The following MALRD1 variants were observed in gnomAD, a reference collection of about 807,000 sequenced individuals.
MALRD1 encodes the protein MAM and LDL receptor class A domain containing 1, also known as MAM and LDL-receptor class A domain-containing protein 1.
MALRD1 carries 247 observed loss-of-function variants against 242.1 expected under a neutral mutation model. The observed-to-expected ratio is 1.02, with a 90% confidence interval of 0.92 to 1.13. MALRD1 has a LOEUF of 1.13. Among genes scored for constraint, MALRD1 ranks in the 50% most tolerant of loss-of-function variants. The pLI, the probability that MALRD1 is intolerant of heterozygous loss-of-function variation, is 0.00. For synonymous variants in MALRD1, 995 were observed against 866.6 expected, an observed-to-expected ratio of 1.15 and a Z score of -2.60; for missense variants, 2,989 against 2,533.1, an observed-to-expected ratio of 1.18 and a Z score of -3.86.
intron 36 of MALRD1, among the ~76,000 whole-genome samples, chr10:19,627,708 A>C (rs895844655): frequency 2.7e-5 from 4 of 149,724 alleles, no homozygotes; most frequent in African/African-American, 9.8e-5. Flanking sequence ...TTTCGCAGTG[A>C]GCCGATATTC....
intron 26 of MALRD1, among the ~76,000 whole-genome samples, chr10:19,353,990 G>A (rs1020449425): frequency 2.0e-5 from 3 of 151,652 alleles, no homozygotes; most frequent in African/African-American, 7.3e-5. Context: ...GCCTCCCAAA[G>A]TCCTAGGATT....
intron 36 of MALRD1, among the ~76,000 whole-genome samples, chr10:19,678,004 C>T (rs1216335971): frequency 6.6e-6 from 1 of 151,954 alleles, no homozygotes; most frequent in Admixed American, 6.6e-5. Flanking sequence ...CTTCTGAGTT[C>T]TAGATTCTGT....
At chr10:19,244,708 C>A (rs1296717897) in intron 18 of MALRD1, among the ~76,000 whole-genome samples, 1 of 152,140 alleles carries the variant, frequency 6.6e-6, no homozygotes, top group Non-Finnish European at 1.5e-5. Flanking sequence ...CAACGTGCAA[C>A]GTGCAACCTA....
intron 28 of MALRD1, among the ~76,000 whole-genome samples, chr10:19,409,357 G>C (rs1431126853): frequency 6.6e-6 from 1 of 152,132 alleles, no homozygotes; most frequent in Admixed American, 6.6e-5. Flanking sequence ...TGGGAAGCTG[G>C]AGCAGGAAGA....
intron 18 of MALRD1, among the ~76,000 whole-genome samples, chr10:19,220,815 A>T (rs1415248688): frequency 1.3e-5 from 2 of 152,178 alleles, no homozygotes; most frequent in Non-Finnish European, 2.9e-5. Flanking sequence ...GAGAAGTGTT[A>T]CAAAAACCCA....
chr10:19,730,819 T>C (rs1024452289), intron 39 of MALRD1, 38 bp downstream of exon 39: 54 of 1,489,660 alleles, frequency 3.6e-5, no homozygotes, highest in Non-Finnish European at 4.3e-5. Flanking sequence ...TTCACACATA[T>C]GCACACACAT....
intron 10 of MALRD1, among the ~76,000 whole-genome samples, chr10:19,142,631 G>T (rs182438981): frequency 1.2e-4 from 19 of 152,294 alleles, no homozygotes; most frequent in Middle Eastern, 3.4e-3. Context: ...AGATGGTGAA[G>T]CGTATTCTGT....
At chr10:19,449,814 C>T (rs929656737) in intron 28 of MALRD1, among the ~76,000 whole-genome samples, 7 of 152,242 alleles carry the variant, frequency 4.6e-5, no homozygotes, top group Admixed American at 3.3e-4. Flanking sequence ...AGCAAACCTG[C>T]ACACGTACCC....
chr10:19,336,904 T>C (rs1843638324), intron 24 of MALRD1, among the ~76,000 whole-genome samples: 1 of 152,102 alleles, frequency 6.6e-6, no homozygotes, highest in African/African-American at 2.4e-5. Flanking sequence ...ATTTAATTAA[T>C]ATATATTTAT....
chr10:19,254,208 A>G (rs1839412299), intron 18 of MALRD1, among the ~76,000 whole-genome samples: 1 of 152,100 alleles, frequency 6.6e-6, no homozygotes, highest in Admixed American at 6.6e-5. Flanking sequence ...AAAGGAGCTG[A>G]TAAATGATAC....
chr10:19,349,111 A>G (rs949363016), intron 25 of MALRD1, among the ~76,000 whole-genome samples: 2 of 152,038 alleles, frequency 1.3e-5, no homozygotes, highest in Non-Finnish European at 2.9e-5. Flanking sequence ...ACAGGCGTGC[A>G]CAACCATCCC....
chr10:19,557,658 A>G (rs191533207), intron 32 of MALRD1, among the ~76,000 whole-genome samples: 1 of 152,094 alleles, frequency 6.6e-6, no homozygotes, highest in East Asian at 1.9e-4. Context: ...CAAATACTAC[A>G]TTGTCTTGAT....
intron 36 of MALRD1, among the ~76,000 whole-genome samples, chr10:19,673,262 C>G (rs757488620): frequency 2.2e-4 from 34 of 152,186 alleles, no homozygotes; most frequent in Non-Finnish European, 4.3e-4. Flanking sequence ...TGGCGGGCGC[C>G]TGTAGTCCCA....
intron 21 of MALRD1, among the ~76,000 whole-genome samples, chr10:19,288,010 G>C (rs1007535263): frequency 5.3e-5 from 8 of 151,916 alleles, no homozygotes; most frequent in Non-Finnish European, 7.4e-5. Context: ...TAAGCAACAT[G>C]ACATGCAAAG....
chr10:19,441,769 G>T (rs1834666732), intron 28 of MALRD1, among the ~76,000 whole-genome samples: 1 of 152,148 alleles, frequency 6.6e-6, no homozygotes, highest in Non-Finnish European at 1.5e-5. Flanking sequence ...GTAGCATGAT[G>T]CCTCCAGCTT....
At chr10:19,104,649 T>C (rs753545619) in intron 5 of MALRD1, among the ~76,000 whole-genome samples, 72 of 152,038 alleles carry the variant, frequency 4.7e-4, no homozygotes, top group Non-Finnish European at 4.1e-4. Context: ...AATCCAATAA[T>C]AAAAAAGAGT....
chr10:19,599,789 C>T (rs1838268166), intron 34 of MALRD1, among the ~76,000 whole-genome samples: 1 of 152,042 alleles, frequency 6.6e-6, no homozygotes, highest in Non-Finnish European at 1.5e-5. Context: ...GAAGGGAGTA[C>T]TTGGTAAGAG....
intron 14 of MALRD1, among the ~76,000 whole-genome samples, chr10:19,198,505 A>C (rs545650970): frequency 6.6e-6 from 1 of 152,312 alleles, no homozygotes; most frequent in African/African-American, 2.4e-5. Context: ...CAGGATAATA[A>C]CTTGCCTTCT....
intron 14 of MALRD1, among the ~76,000 whole-genome samples, chr10:19,186,901 A>G (rs557796909): frequency 2.4e-4 from 36 of 152,142 alleles, no homozygotes; most frequent in Non-Finnish European, 4.9e-4. Context: ...AAAGGGGCGT[A>G]AAGAGCCTTC....
Sources: gnomAD v4.1 joint callset for allele counts (sites outside exome capture counted in the v4.1 genomes callset) on GRCh38, gnomAD v4.1.1 for gene constraint, MANE v1.5 for transcripts, NCBI Gene and HGNC (gene_info 2026-07-23, HGNC 2026-07-21) for gene names.